COLEC10: variants seen among roughly 807,000 people sequenced by gnomAD.
COLEC10 encodes collectin subfamily member 10, also known as collectin-10.
COLEC10 carries 22 observed loss-of-function variants against 28.4 expected under a neutral mutation model. That is an observed-to-expected ratio of 0.78 (90% CI 0.55 to 1.11). COLEC10 has a LOEUF of 1.11. COLEC10 is among the 50% of genes least tolerant of loss of function. The pLI, the probability that COLEC10 is intolerant of heterozygous loss-of-function variation, is 0.00. For missense variants in COLEC10, 361 were observed against 344.1 expected (o/e 1.05, Z -0.39); for synonymous variants, 125 against 116.1 (o/e 1.08, Z -0.49).
At chr8:119,050,072 GTAA>G (rs1814650901) in intron 2 of COLEC10, among the ~76,000 whole-genome samples, 1 of 152,118 alleles carries the variant, frequency 6.6e-6, no homozygotes, top group Non-Finnish European at 1.5e-5. Context: ...CTCTTTCCTG[GTAA>G]TAATAGTCCC....
At chr8:118,964,796 C>T in the COLEC10 span, among the ~76,000 whole-genome samples, 1 of 152,150 alleles carries the variant, frequency 6.6e-6, no homozygotes, top group African/African-American at 2.4e-5. Context: ...AGACATTTAA[C>T]TCTGCTTGCC....
chr8:119,058,703 A>G (rs761274551), intron 2 of COLEC10, among the ~76,000 whole-genome samples: 2 of 152,102 alleles, frequency 1.3e-5, no homozygotes, highest in African/African-American at 2.4e-5. Flanking sequence ...TCTGGCAATT[A>G]TGAATGATGC....
chr8:119,049,036 T>A (rs904328913), intron 2 of COLEC10, among the ~76,000 whole-genome samples: 3 of 152,196 alleles, frequency 2.0e-5, no homozygotes, highest in African/African-American at 7.2e-5. Flanking sequence ...CTTGTTGAAA[T>A]GTATTCCCTC....
At chr8:119,089,220 T>C (rs147555920) in intron 1 of COLEC10, among the ~76,000 whole-genome samples, 8 of 152,328 alleles carry the variant, frequency 5.3e-5, no homozygotes, top group African/African-American at 1.9e-4. Flanking sequence ...AACTGCTTTG[T>C]GGCTTCTCCA....
intron 1 of COLEC10, among the ~76,000 whole-genome samples, chr8:118,998,595 T>C (rs990270169): frequency 4.0e-5 from 6 of 151,890 alleles, no homozygotes; most frequent in African/African-American, 1.4e-4. Flanking sequence ...TCCCAGCTCG[T>C]TTGGAGGCCG....
At chr8:119,070,418 C>G (rs1013828453) in intron 1 of COLEC10, among the ~76,000 whole-genome samples, 2 of 150,216 alleles carry the variant, frequency 1.3e-5, no homozygotes, top group African/African-American at 5.0e-5. Flanking sequence ...TTTATGTTAC[C>G]TAACAGGAAA....
At chr8:118,996,881 T>C (rs925152847) in intron 1 of COLEC10, among the ~76,000 whole-genome samples, 10 of 151,980 alleles carry the variant, frequency 6.6e-5, no homozygotes, top group African/African-American at 2.2e-4. Flanking sequence ...AGAGTAAGGA[T>C]TGGGGGAGGT....
At chr8:118,956,128 G>T in the COLEC10 span, among the ~76,000 whole-genome samples, 1 of 152,150 alleles carries the variant, frequency 6.6e-6, no homozygotes, top group East Asian at 1.9e-4. Flanking sequence ...GTGGCAGAAA[G>T]GGTTAGAGAG....
At chr8:119,028,946 C>A (rs907239397) in intron 2 of COLEC10, among the ~76,000 whole-genome samples, 2 of 152,134 alleles carry the variant, frequency 1.3e-5, no homozygotes, top group African/African-American at 4.8e-5. Context: ...GTGCTAGATG[C>A]AAGTAATTCA....
upstream of COLEC10, among the ~76,000 whole-genome samples, chr8:118,995,211 A>G (rs980396678): frequency 2.6e-5 from 4 of 151,872 alleles, no homozygotes; most frequent in African/African-American, 9.7e-5. Context: ...CTTTCCCTGG[A>G]ATTTGAGCAG....
Position 119,105,885 on chromosome 8 carries a change from C to A in COLEC10, c.528C>A (p.Cys176Ter). The change falls in exon 6 of 6, where the codon TGC (cysteine) becomes TGA (stop). Residue 176 changes from cysteine to a stop codon, truncating the protein, a stop_gained. Coordinates refer to ENST00000332843, the MANE Select transcript of COLEC10 (RefSeq NM_006438.5). LOFTEE classifies it high-confidence loss of function. Reference sequence around the variant, plus strand: ...ACTACAGGGAATCCCTAACCCACTGCAGGATTCGGGGTGGAATGCTAGCCA... The same window carrying A: ...ACTACAGGGAATCCCTAACCCACTGAAGGATTCGGGGTGGAATGCTAGCCA... ...EKNYRESLTH[C>*]RIRGGMLAMP... is the part of the protein sequence containing the mutation. 1 of 1,613,748 alleles carries A rather than the reference C, an allele frequency of 6.2e-7. No individual in the cohort carries two copies. The highest frequency in any genetic ancestry group is 8.5e-7 in the Non-Finnish European group (1 of 1,179,798).
intron 2 of COLEC10, among the ~76,000 whole-genome samples, chr8:119,021,833 T>G (rs895881211): frequency 2.6e-5 from 4 of 152,158 alleles, no homozygotes; most frequent in African/African-American, 9.7e-5. Flanking sequence ...GGGAAATTAG[T>G]GAAGCTCCTT....
chr8:118,977,002 C>T, the COLEC10 span, among the ~76,000 whole-genome samples: 3 of 148,358 alleles, frequency 2.0e-5, no homozygotes, highest in East Asian at 2.0e-4. Flanking sequence ...TGAAAAAATG[C>T]TCATCATCAC....
chr8:119,088,704 C>T (rs1815530777), intron 1 of COLEC10, among the ~76,000 whole-genome samples: 1 of 152,076 alleles, frequency 6.6e-6, no homozygotes, highest in African/African-American at 2.4e-5. Context: ...TCTTTGTTTT[C>T]AAAGCACATT....
intron 1 of COLEC10, among the ~76,000 whole-genome samples, chr8:119,004,077 T>C (rs556635608): frequency 3.8e-4 from 58 of 152,208 alleles, no homozygotes; most frequent in African/African-American, 1.4e-3. Context: ...ACAAGTAGCA[T>C]ACTTTTGGAG....
At chr8:118,967,890 A>G in the COLEC10 span, among the ~76,000 whole-genome samples, 1 of 152,046 alleles carries the variant, frequency 6.6e-6, no homozygotes, top group African/African-American at 2.4e-5. Flanking sequence ...ACAACATGAC[A>G]GAAATACTGG....
chr8:118,992,982 G>T (rs1813527938), upstream of COLEC10, among the ~76,000 whole-genome samples: 1 of 152,196 alleles, frequency 6.6e-6, no homozygotes. Flanking sequence ...CAGAGAAACA[G>T]CAGCTCTACA....
chr8:119,093,161 G>A (rs1261542735), intron 3 of COLEC10, among the ~76,000 whole-genome samples: 1 of 152,152 alleles, frequency 6.6e-6, no homozygotes, highest in African/African-American at 2.4e-5. Context: ...AAATGCTTGA[G>A]CAGCTGCATA....
chr8:118,955,623 G>A, the COLEC10 span, among the ~76,000 whole-genome samples: 1 of 152,182 alleles, frequency 6.6e-6, no homozygotes, highest in Non-Finnish European at 1.5e-5. Context: ...CTGACTCCAT[G>A]TACCTTTTAA....
Sources: gnomAD v4.1 joint callset for allele counts (sites outside exome capture counted in the v4.1 genomes callset) on GRCh38, gnomAD v4.1.1 for gene constraint, MANE v1.5 for transcripts, NCBI Gene and HGNC (gene_info 2026-07-23, HGNC 2026-07-21) for gene names.